Variants in MYO1D observed in about 807,000 individuals in gnomAD.
MYO1D encodes the protein unconventional myosin-Id.
A neutral mutation model predicts 122.0 loss-of-function variants in MYO1D; 83 were observed. The ratio of observed to expected loss-of-function variants is 0.68; its 90% CI spans 0.57 to 0.82. The LOEUF (loss-of-function observed/expected upper bound fraction) is 0.82, where lower values mean the gene tolerates loss of function less well. Ranked by LOEUF, MYO1D falls within the 40% of genes least tolerant of loss-of-function variation. The pLI is 0.00. For synonymous variants in MYO1D, 464 were observed against 446.9 expected (o/e 1.04, Z -0.48); for missense variants, 1,157 against 1,269.5 (o/e 0.91, Z 1.35).
intron 16 of MYO1D, among the ~76,000 whole-genome samples, chr17:32,675,440 C>T (rs139159259): frequency 6.6e-5 from 10 of 152,232 alleles, no homozygotes; most frequent in African/African-American, 2.4e-4. Flanking sequence ...TGTATTACCT[C>T]ATCTATTTCT....
At chr17:32,749,459 G>A (rs2089875844) in intron 11 of MYO1D, among the ~76,000 whole-genome samples, 3 of 152,172 alleles carry the variant, frequency 2.0e-5, no homozygotes, top group African/African-American at 7.2e-5. Context: ...GGCTAGGCAT[G>A]GTGGCTCAGG....
chr17:32,662,581 G>A (rs1317923383), intron 16 of MYO1D, among the ~76,000 whole-genome samples: 1 of 152,134 alleles, frequency 6.6e-6, no homozygotes, highest in Non-Finnish European at 1.5e-5. Context: ...GCTGAGGCAG[G>A]AGAATCGCCT....
At chr17:32,711,895 C>T in intron 16 of MYO1D, 93 bp downstream of exon 16, 1 of 1,068,504 alleles carries the variant, frequency 9.4e-7, no homozygotes, top group East Asian at 2.6e-5. Flanking sequence ...AACATATCTT[C>T]CAGGAATATT....
chr17:32,813,275 T>C (rs1475878126), intron 1 of MYO1D, among the ~76,000 whole-genome samples: 1 of 152,212 alleles, frequency 6.6e-6, no homozygotes, highest in Non-Finnish European at 1.5e-5. Flanking sequence ...GTGATCAACA[T>C]AACTATGGTC....
chr17:32,751,906 C>T (rs752234038), intron 11 of MYO1D, among the ~76,000 whole-genome samples: 2 of 152,112 alleles, frequency 1.3e-5, no homozygotes, highest in African/African-American at 2.4e-5. Flanking sequence ...TGTCATTTTT[C>T]ACAGAATTAG....
At chr17:32,870,803 G>A (rs993885710) in intron 1 of MYO1D, among the ~76,000 whole-genome samples, 3 of 152,118 alleles carry the variant, frequency 2.0e-5, no homozygotes, top group Admixed American at 2.0e-4. Context: ...CCAAAGCCTT[G>A]CATTTTATTC....
intron 21 of MYO1D, among the ~76,000 whole-genome samples, chr17:32,578,327 G>T (rs1298502137): frequency 6.6e-6 from 1 of 152,332 alleles, no homozygotes; most frequent in East Asian, 1.9e-4. Flanking sequence ...ATGTGTATAA[G>T]GTTAGGAAAC....
At chr17:32,773,039 G>A (rs374628352) in intron 4 of MYO1D, among the ~76,000 whole-genome samples, 197 bp from the exon 5 acceptor site, 2 of 152,328 alleles carry the variant, frequency 1.3e-5, no homozygotes, top group South Asian at 2.1e-4. Context: ...TTGGTGCCGT[G>A]ACTTGGATCG....
chr17:32,514,859 T>C (rs1462787846), intron 21 of MYO1D, among the ~76,000 whole-genome samples: 1 of 152,210 alleles, frequency 6.6e-6, no homozygotes, highest in African/African-American at 2.4e-5. Flanking sequence ...TGTTGCTTAA[T>C]CAAAAGAGGA....
chr17:32,747,822 G>C (rs2089853332), intron 12 of MYO1D, among the ~76,000 whole-genome samples: 1 of 151,546 alleles, frequency 6.6e-6, no homozygotes, highest in South Asian at 2.1e-4. Flanking sequence ...GGGTGACAGA[G>C]CGAGACTCCA....
chr17:32,517,494 C>G (rs114137991), intron 21 of MYO1D, among the ~76,000 whole-genome samples: 186 of 152,276 alleles, frequency 1.2e-3, no homozygotes, highest in African/African-American at 4.4e-3. Context: ...CTTGATTGCA[C>G]GTTAAGCTTA....
intron 10 of MYO1D, among the ~76,000 whole-genome samples, chr17:32,757,536 T>C (rs941737690): frequency 2.0e-4 from 30 of 152,172 alleles, no homozygotes; most frequent in Non-Finnish European, 2.9e-5. Context: ...TTATTACATT[T>C]CTAATTAGGG....
intron 21 of MYO1D, among the ~76,000 whole-genome samples, chr17:32,555,780 T>TC (rs879509982): frequency 2.0e-5 from 3 of 152,128 alleles, no homozygotes; most frequent in Admixed American, 1.3e-4. Flanking sequence ...AATGGTCTGT[T>TC]CCTCCAACTC....
intron 2 of MYO1D, among the ~76,000 whole-genome samples, 197 bp from the exon 3 acceptor site, chr17:32,778,770 A>G (rs906105828): frequency 3.1e-4 from 47 of 152,188 alleles, no homozygotes; most frequent in Non-Finnish European, 2.9e-5. Flanking sequence ...CCTGAATATG[A>G]TGAAGAAAAT....
intron 1 of MYO1D, among the ~76,000 whole-genome samples, chr17:32,872,951 C>A (rs2151094771): frequency 6.6e-6 from 1 of 152,198 alleles, no homozygotes; most frequent in East Asian, 1.9e-4. Flanking sequence ...CTGCCTCGGC[C>A]TCCCAAAGTG....
chr17:32,657,534 G>A (rs2088494273), intron 17 of MYO1D, among the ~76,000 whole-genome samples: 2 of 152,352 alleles, frequency 1.3e-5, no homozygotes, highest in South Asian at 4.1e-4. Context: ...GGACTAGATG[G>A]ACACAACTGG....
intron 21 of MYO1D, among the ~76,000 whole-genome samples, chr17:32,600,624 C>T (rs1186879164): frequency 2.0e-5 from 3 of 152,172 alleles, no homozygotes; most frequent in Admixed American, 1.3e-4. Flanking sequence ...TTCCACTTTT[C>T]GTCTGCAGCT....
rs1909020856 is a variant in MYO1D at position 32,494,677 on chromosome 17, G to C, written c.*82C>G. ...GGGCCCTCGCAGCAGGTTTCTAGCG[G>C]GCATGGGTTGGGAGGCAGCAGCTGG... On this transcript the variant is annotated 3_prime_UTR_variant, in exon 22 of 22. Transcript: ENST00000318217. The C allele has an allele frequency of 3.5e-6, 5 of 1,446,420 alleles. No homozygotes were observed. Among genetic ancestry groups the C allele is most frequent in the Non-Finnish European group, 4.6e-6 (5 of 1,087,022 alleles). The allele number at this position is 1,446,420 out of a possible 1,614,324, so 89.6% of individuals were successfully genotyped here.
rs150114975 is a variant in MYO1D, at chr17:32,834,113, G to A, written c.95+42665C>T. On this transcript the variant is annotated intron_variant, in intron 1 of 21. Coordinates refer to ENST00000318217, the MANE Select transcript of MYO1D (RefSeq NM_015194.3). The stretch of plus-strand genomic sequence containing the variant: ...GGATGGTGCTCAGCATATTGTAGGC[G>A]CCCAACAGATGTTTGCTGAATAAAT... Among the ~76,000 whole-genome samples, 171 of 152,188 alleles carry A rather than the reference G, an allele frequency of 1.1e-3. 2 individuals are homozygous for A. The highest frequency in any genetic ancestry group is 2.7e-3 in the Admixed American group (41 of 15,286).
Sources: allele counts gnomAD v4.1 joint callset (sites outside exome capture counted in the v4.1 genomes callset), GRCh38; gene constraint gnomAD v4.1.1; transcripts MANE v1.5; gene names NCBI Gene and HGNC (gene_info 2026-07-23, HGNC 2026-07-21).